DACH2: variants seen among roughly 807,000 people sequenced by gnomAD.
DACH2 encodes dachshund homolog 2.
DACH2 carries 17 observed loss-of-function variants against 35.8 expected under a neutral mutation model. That is an observed-to-expected ratio of 0.48 (90% confidence interval 0.33 to 0.71). DACH2 has a LOEUF of 0.71. Ranked by LOEUF, DACH2 falls within the 30% of genes least tolerant of loss-of-function variation. The probability of loss-of-function intolerance (pLI) is 0.02; values close to 1 mark genes in which losing one functional copy is unlikely to be tolerated. For synonymous variants in DACH2, 195 were observed against 177.3 expected (o/e 1.10, Z -0.79); for missense variants, 469 against 472.7 (o/e 0.99, Z 0.07).
intron 3 of DACH2, among the ~76,000 whole-genome samples, chrX:86,603,509 A>G (rs967568313): frequency 9.0e-6 from 1 of 110,791 alleles, no homozygotes; most frequent in Non-Finnish European, 1.9e-5. Flanking sequence ...AATCTCATCT[A>G]AATCATCTAT....
intron 1 of DACH2, among the ~76,000 whole-genome samples, chrX:86,339,190 T>C (rs958980322): frequency 4.5e-5 from 5 of 111,365 alleles, no homozygotes; most frequent in Middle Eastern, 4.6e-3. Flanking sequence ...AATATGAATT[T>C]ATACCTGCCA....
At chrX:86,239,122 TGTA>T (rs1203337885) in intron 1 of DACH2, among the ~76,000 whole-genome samples, 1 of 112,199 alleles carries the variant, frequency 8.9e-6, no homozygotes, top group African/African-American at 3.2e-5. Flanking sequence ...TATTAGTTGA[TGTA>T]GTATTATTTT....
At chrX:86,635,061 C>T (rs952940866) in intron 3 of DACH2, among the ~76,000 whole-genome samples, 1 of 105,853 alleles carries the variant, frequency 9.4e-6, no homozygotes, top group African/African-American at 3.5e-5. Flanking sequence ...AGAGACATAA[C>T]GAAAGAAGAA....
At chrX:86,282,758 C>A (rs5967703) in intron 1 of DACH2, among the ~76,000 whole-genome samples, 15,898 of 38,176 alleles carry the variant, frequency 0.42, 5,283 homozygotes, top group African/African-American at 0.69. Flanking sequence ...TGGGCAAATG[C>A]TATGAACAGA....
intron 3 of DACH2, among the ~76,000 whole-genome samples, chrX:86,595,907 AC>A (rs1292448330): frequency 9.1e-6 from 1 of 109,852 alleles, no homozygotes; most frequent in Non-Finnish European, 1.9e-5. Context: ...ATTTGCTATT[AC>A]TCCCTAGTCC....
At chrX:86,333,761 A>AT (rs930975974) in intron 1 of DACH2, among the ~76,000 whole-genome samples, 1 of 111,375 alleles carries the variant, frequency 9.0e-6, no homozygotes, top group Admixed American at 9.6e-5. Context: ...ATACTTATTA[A>AT]TTTTTTTTAA....
intron 1 of DACH2, among the ~76,000 whole-genome samples, chrX:86,221,740 C>A (rs775884655): frequency 3.6e-5 from 4 of 111,905 alleles, no homozygotes; most frequent in Non-Finnish European, 7.5e-5. Context: ...TAAAGCCAGG[C>A]GCATTAGTTT....
At chrX:86,602,661 C>T (rs558840003) in intron 3 of DACH2, among the ~76,000 whole-genome samples, 5 of 111,701 alleles carry the variant, frequency 4.5e-5, no homozygotes, top group African/African-American at 1.6e-4. Flanking sequence ...ACATGTCTGT[C>T]GAGATCTTTT....
At chrX:86,596,098 C>G (rs1353836243) in intron 3 of DACH2, among the ~76,000 whole-genome samples, 2 of 112,049 alleles carry the variant, frequency 1.8e-5, no homozygotes, top group African/African-American at 6.5e-5. Context: ...AGTTCCCATT[C>G]TTTTCTATGG....
At chrX:86,450,484 T>C (rs2037355189) in intron 2 of DACH2, among the ~76,000 whole-genome samples, 2 of 111,477 alleles carry the variant, frequency 1.8e-5, no homozygotes, top group Non-Finnish European at 3.8e-5. Flanking sequence ...GATGGGGATT[T>C]AGGTTGATTC....
intron 2 of DACH2, among the ~76,000 whole-genome samples, chrX:86,418,627 C>T (rs926863725): frequency 2.7e-5 from 3 of 110,850 alleles, no homozygotes; most frequent in African/African-American, 9.9e-5. Flanking sequence ...GCACGTGGAC[C>T]CTGGGCCTGG....
intron 1 of DACH2, among the ~76,000 whole-genome samples, chrX:86,336,737 A>G (rs1364669487): frequency 9.0e-6 from 1 of 110,604 alleles, no homozygotes; most frequent in African/African-American, 3.3e-5. Flanking sequence ...TCACAAATAG[A>G]CAGAAGTAGG....
chrX:86,444,132 C>G (rs866464966), intron 2 of DACH2, among the ~76,000 whole-genome samples: 2 of 111,355 alleles, frequency 1.8e-5, no homozygotes, highest in Admixed American at 9.6e-5. Context: ...GCCCTGTCAC[C>G]CAGGCTGGAA....
intron 5 of DACH2, among the ~76,000 whole-genome samples, chrX:86,711,349 C>T (rs1213818128): frequency 9.0e-6 from 1 of 111,423 alleles, no homozygotes. Flanking sequence ...GCACTTCAGC[C>T]TGGATGACAG....
chrX:86,466,503 A>G (rs1354315780), intron 2 of DACH2, among the ~76,000 whole-genome samples: 1 of 111,135 alleles, frequency 9.0e-6, no homozygotes, highest in Non-Finnish European at 1.9e-5. Flanking sequence ...AGAACCAATC[A>G]TGCTTCCCAA....
At chrX:86,737,737 GTTTTC>G (rs1602874901) in intron 6 of DACH2, among the ~76,000 whole-genome samples, 2 of 111,275 alleles carry the variant, frequency 1.8e-5, no homozygotes, top group East Asian at 2.8e-4. Flanking sequence ...TCTGTTATCT[GTTTTC>G]TTTTCTTCTT....
At chrX:86,515,109 A>G (rs1391384799) in intron 3 of DACH2, among the ~76,000 whole-genome samples, 2 of 111,594 alleles carry the variant, frequency 1.8e-5, no homozygotes, top group Non-Finnish European at 3.8e-5. Context: ...ATCTTTATAC[A>G]TAATGATACG....
chrX:86,226,868 T>C (rs2032836928), intron 1 of DACH2, among the ~76,000 whole-genome samples: 1 of 111,587 alleles, frequency 9.0e-6, no homozygotes. Context: ...GTGAATATAA[T>C]GTCATTGGCA....
intron 1 of DACH2, among the ~76,000 whole-genome samples, chrX:86,283,383 A>G (rs1569328622): frequency 9.0e-6 from 1 of 111,334 alleles, no homozygotes; most frequent in Non-Finnish European, 1.9e-5. Context: ...TACTGGGTAT[A>G]TACCCAGTGG....
Sources: gnomAD v4.1 joint callset for allele counts (sites outside exome capture counted in the v4.1 genomes callset) on GRCh38, gnomAD v4.1.1 for gene constraint, MANE v1.5 for transcripts, NCBI Gene and HGNC (gene_info 2026-07-23, HGNC 2026-07-21) for gene names.